Variants in HADHB observed in about 807,000 individuals in gnomAD.
HADHB encodes trifunctional enzyme subunit beta, mitochondrial.
Under a neutral mutation model 61.9 loss-of-function variants are expected in HADHB, and 50 were observed. The observed-to-expected ratio is 0.81, with a 90% confidence interval of 0.64 to 1.02. The LOEUF (loss-of-function observed/expected upper bound fraction) is 1.02. Among genes scored for constraint, HADHB ranks in the 50% least tolerant of loss-of-function variants. HADHB has a pLI of 0.00. For missense variants in HADHB, 504 were observed against 586.5 expected, an observed-to-expected ratio of 0.86 and a Z score of 1.45; for synonymous variants, 191 against 201.6, an observed-to-expected ratio of 0.95 and a Z score of 0.45.
At chr2:26,256,742 A>G (rs554441666) in intron 3 of HADHB, among the ~76,000 whole-genome samples, 1 of 152,308 alleles carries the variant, frequency 6.6e-6, no homozygotes, top group East Asian at 1.9e-4. Flanking sequence ...GAGTAGGCCT[A>G]CAACCCAGAT....
rs60798158 is a variant in HADHB at position 26,252,178 on chromosome 2, G to C, written c.-8-2069G>C. 6.3e-3 allele frequency among the ~76,000 whole-genome samples: 959 copies of C among 152,310 alleles called. 8 individuals carry two copies. Among genetic ancestry groups the C allele is most frequent in the African/African-American group, 0.022 (897 of 41,560 alleles). On this transcript the variant is annotated intron_variant, in intron 1 of 15. Coordinates refer to ENST00000317799, the MANE Select transcript of HADHB (RefSeq NM_000183.3). ...GAGAGAGACCACGACAGATGCTGCA[G>C]TATCTCTTATAGCCTATCTCAGAAG... is the stretch of plus-strand genomic sequence containing the variant.
intron 1 of HADHB, among the ~76,000 whole-genome samples, chr2:26,251,960 G>C (rs749770633): frequency 1.6e-4 from 25 of 152,194 alleles, no homozygotes; most frequent in Admixed American, 3.3e-4. Flanking sequence ...GGGTTGCTCT[G>C]AGTTTCCCAT....
intron 13 of HADHB, among the ~76,000 whole-genome samples, chr2:26,284,640 T>C (rs941946690): frequency 1.5e-4 from 23 of 152,140 alleles, no homozygotes; most frequent in South Asian, 4.2e-4. Context: ...ATTTTTTTTA[T>C]ATTTTTAATA....
intron 1 of HADHB, among the ~76,000 whole-genome samples, chr2:26,248,007 T>G (rs1671232031): frequency 6.6e-6 from 1 of 152,164 alleles, no homozygotes; most frequent in Admixed American, 6.5e-5. Flanking sequence ...AAAGCCTTTC[T>G]TTATCCTTCC....
intron 10 of HADHB, among the ~76,000 whole-genome samples, chr2:26,280,366 C>T (rs1206529801): frequency 6.6e-6 from 1 of 152,014 alleles, no homozygotes; most frequent in Non-Finnish European, 1.5e-5. Context: ...TCAAAAACTT[C>T]TATTGCTTAT....
intron 7 of HADHB, among the ~76,000 whole-genome samples, chr2:26,277,552 A>G (rs997440026): frequency 1.1e-4 from 16 of 152,196 alleles, no homozygotes; most frequent in African/African-American, 3.9e-4. Context: ...TACTCTTAAC[A>G]GAAGTAAAAG....
chr2:26,247,208 A>G (rs890394669), intron 1 of HADHB, among the ~76,000 whole-genome samples: 19 of 152,048 alleles, frequency 1.2e-4, no homozygotes, highest in African/African-American at 4.6e-4. Context: ...TTCACACCTT[A>G]CTCAGGCTTA....
Position 26,269,888 on chromosome 2 carries a change from T to C in HADHB, c.210-65T>C, listed in dbSNP as rs1303431565. 6 of 1,035,770 alleles carry C rather than the reference T, an allele frequency of 5.8e-6. No homozygotes were observed. In the Admixed American group the frequency reaches 1.0e-4, roughly 17 times the overall value. The allele number at this position is 1,035,770 out of a possible 1,614,324, so 64.2% of individuals were successfully genotyped here. On this transcript the variant is annotated intron_variant, in intron 4 of 15. Transcript: ENST00000317799. ...TTTGATGATCTCTGGGTATTTCAAA[T>C]AGAATGAAAATTTTTCATTGAAGCT...
chr2:26,250,230 C>T (rs150863630), intron 1 of HADHB, among the ~76,000 whole-genome samples: 1,663 of 152,176 alleles, frequency 0.011, 22 homozygotes, highest in Non-Finnish European at 0.02. Context: ...TCTTGAACTC[C>T]CAACCTCAGG....
chr2:26,265,111 A>G (rs1263559444), intron 4 of HADHB, among the ~76,000 whole-genome samples: 1 of 152,168 alleles, frequency 6.6e-6, no homozygotes, highest in African/African-American at 2.4e-5. Flanking sequence ...TCTTTCCTGT[A>G]CTGACACAAC....
At position 26,283,038 on chromosome 2, in the gene HADHB, C is replaced by G; in HGVS notation, c.1048C>G (p.Gln350Glu). 6.2e-7 allele frequency: 1 copy of G among 1,606,526 alleles called. No individual in the cohort carries two copies. Among genetic ancestry groups the G allele is most frequent in the Non-Finnish European group, 8.5e-7 (1 of 1,173,108 alleles). Residue 350 changes from glutamine to glutamate, a missense_variant, in exon 12 of 16, where the codon CAA becomes GAA. Transcript: ENST00000317799. The stretch of plus-strand genomic sequence containing the variant: ...GTATGTGTCTCAGGATCCAAAAGAT[C>G]AACTATTACTTGGGTAGGTAGCAGT... Reference protein sequence around the residue: ...FMYVSQDPKDQLLLGPTYATP... With the variant: ...FMYVSQDPKDELLLGPTYATP...
At chr2:26,266,096 A>G (rs1442123823) in intron 4 of HADHB, among the ~76,000 whole-genome samples, 13 of 138,038 alleles carry the variant, frequency 9.4e-5, no homozygotes, top group Admixed American at 9.3e-4. Context: ...CAAAAAAAAG[A>G]AAAAAAAAAA....
intron 15 of HADHB, among the ~76,000 whole-genome samples, chr2:26,289,484 G>A (rs534849605): frequency 2.0e-4 from 30 of 151,344 alleles, no homozygotes; most frequent in Middle Eastern, 3.4e-3. Flanking sequence ...TACTTTTATT[G>A]GTATTTGCTG....
chr2:26,260,360 C>A (rs1248766025), intron 3 of HADHB, among the ~76,000 whole-genome samples: 1 of 152,104 alleles, frequency 6.6e-6, no homozygotes, highest in Non-Finnish European at 1.5e-5. Context: ...GAGATTACAG[C>A]GTGAGCCAGC....
chr2:26,277,454 TTAAACC>T (rs1225608528), intron 7 of HADHB, among the ~76,000 whole-genome samples: 2 of 152,054 alleles, frequency 1.3e-5, no homozygotes, highest in African/African-American at 4.8e-5. Context: ...CAGGCTGGTC[TTAAACC>T]TCTGGCCTCA....
At chr2:26,259,568 A>G (rs1384728849) in intron 3 of HADHB, among the ~76,000 whole-genome samples, 1 of 152,188 alleles carries the variant, frequency 6.6e-6, no homozygotes, top group Non-Finnish European at 1.5e-5. Context: ...ATTCTCCCCC[A>G]GGGCTCTGCA....
chr2:26,273,758 A>G lies in HADHB; in HGVS notation c.354+8A>G. The G allele has an allele frequency of 7.3e-7, 1 of 1,369,102 alleles. No homozygotes were observed. Among genetic ancestry groups the G allele is most frequent in the Non-Finnish European group, 1.0e-6 (1 of 956,172 alleles). 84.8% of individuals were successfully genotyped at this position (1,369,102 alleles called of 1,614,324 possible). On this transcript the variant is annotated splice_region_variant and intron_variant, in intron 6 of 15. Transcript: ENST00000317799. Reference sequence around the variant, plus strand: ...AGCAATGTGGCTAGAGAGGTGAGTAAAACAAACTTTATGTTGTTTAAAGAG... The same window carrying G: ...AGCAATGTGGCTAGAGAGGTGAGTAGAACAAACTTTATGTTGTTTAAAGAG...
chr2:26,283,131 T>C (rs770519398), intron 12 of HADHB, 80 bp downstream of exon 12: 81 of 888,256 alleles, frequency 9.1e-5, no homozygotes, highest in Non-Finnish European at 1.5e-4. Context: ...TAATAAATGA[T>C]TAACACTGGT....
At chr2:26,254,973 G>C (rs576612105) in intron 3 of HADHB, 1 of 165,066 alleles carries the variant, frequency 6.1e-6, no homozygotes, top group East Asian at 1.7e-4. Context: ...AAATGAAAGA[G>C]TAAGGAAATG....
Sources: allele counts gnomAD v4.1 joint callset (sites outside exome capture counted in the v4.1 genomes callset), GRCh38; gene constraint gnomAD v4.1.1; transcripts MANE v1.5; gene names NCBI Gene and HGNC (gene_info 2026-07-23, HGNC 2026-07-21).